Variants in PCDHGB5 observed in about 807,000 individuals in gnomAD.
The protein encoded by PCDHGB5 is protocadherin gamma-B5.
A neutral mutation model predicts 62.9 loss-of-function variants in PCDHGB5; 48 were observed. The observed-to-expected ratio is 0.76, with a 90% CI of 0.61 to 0.97. The LOEUF is 0.97. Ranked by LOEUF, PCDHGB5 falls within the 50% of genes least tolerant of loss-of-function variation. The probability of loss-of-function intolerance (pLI) is 0.00; values close to 1 mark genes in which losing one functional copy is unlikely to be tolerated. For synonymous variants in PCDHGB5, 474 were observed against 511.2 expected, an observed-to-expected ratio of 0.93 and a Z score of 0.98; for missense variants, 1,118 against 1,198.6, an observed-to-expected ratio of 0.93 and a Z score of 0.99.
At chr5:141,473,189 A>G (rs1049891105) in intron 1 of PCDHGB5, among the ~76,000 whole-genome samples, 2 of 152,198 alleles carry the variant, frequency 1.3e-5, no homozygotes, top group Admixed American at 6.5e-5. Flanking sequence ...GAAGGAGTAA[A>G]TGTATCTTCT....
intron 1 of PCDHGB5, among the ~76,000 whole-genome samples, chr5:141,438,764 C>A (rs963627140): frequency 6.7e-6 from 1 of 148,638 alleles, no homozygotes; most frequent in Non-Finnish European, 1.5e-5. Flanking sequence ...TGGGTTCAAG[C>A]GATTCTCCTG....
In PCDHGB5 at chr5:141,399,859, G is replaced by A. The variant is rs2093908235; in HGVS notation, c.1732G>A (p.Ala578Thr). Reference protein sequence around the residue: ...SALFDMVPRAAEPGYLVTKVV... With the variant: ...SALFDMVPRATEPGYLVTKVV... ...GCTCTTCGATATGGTGCCGCGCGCT[G>A]CAGAGCCCGGCTACCTGGTGACCAA... The change falls in exon 1 of 4, where the codon GCA (alanine) becomes ACA (threonine). Residue 578 changes from alanine (A) to threonine (T), a missense_variant. Ala to Thr is a moderately conservative substitution (Grantham distance 58). Transcript: ENST00000617380. 6.2e-7 allele frequency: 1 copy of A among 1,612,726 alleles called. No homozygotes were observed. Among genetic ancestry groups the A allele is most frequent in the Admixed American group, 1.7e-5 (1 of 60,002 alleles).
intron 3 of PCDHGB5, chr5:141,507,166 GTCC>G (rs1475125845): frequency 6.6e-5 from 10 of 152,288 alleles, no homozygotes; most frequent in Non-Finnish European, 1.2e-4. Context: ...ATGAGAGGCT[GTCC>G]TCTTCCTCGA....
In PCDHGB5 at chr5:141,476,584, C is replaced by A; in HGVS notation, c.2398-18223C>A. ...TGGCTCCGGGGACGCGCTTTCCGCTCGAGAGCGCGCACGATCCCGATGTGG... is the reference window on the plus strand; with the variant it reads ...TGGCTCCGGGGACGCGCTTTCCGCTAGAGAGCGCGCACGATCCCGATGTGG... On this transcript the variant is annotated intron_variant, in intron 1 of 3. Coordinates refer to ENST00000617380, the MANE Select transcript of PCDHGB5 (RefSeq NM_018925.3). This position sits in a 1 kb window ranked among gnomAD's most constrained non-coding sequence, Gnocchi z 7.6. The A allele has an allele frequency of 6.2e-7, 1 of 1,614,216 alleles. No homozygotes were observed. The highest frequency in any genetic ancestry group is 8.5e-7 in the Non-Finnish European group (1 of 1,180,042).
chr5:141,461,560 T>G (rs1355320881), intron 1 of PCDHGB5, among the ~76,000 whole-genome samples: 1 of 152,234 alleles, frequency 6.6e-6, no homozygotes, highest in African/African-American at 2.4e-5. Context: ...ATGTGTACTT[T>G]GCAAAGATAA....
chr5:141,433,742 C>T lies in PCDHGB5; in HGVS notation c.2397+33218C>T, dbSNP rs927651405. 2.6e-5 allele frequency among the ~76,000 whole-genome samples: 4 copies of T among 150,944 alleles called. No homozygotes were observed. The East Asian group carries it at 7.9e-4, about 30-fold the overall frequency. On this transcript the variant is annotated intron_variant, in intron 1 of 3. Coordinates refer to ENST00000617380, the MANE Select transcript of PCDHGB5 (RefSeq NM_018925.3). Reference sequence around the variant, plus strand: ...ATCCCAGCTACTTGGGAGGCTGAGTCAGGAGAATTGCTTTAACCTGGGAGG... The same window carrying T: ...ATCCCAGCTACTTGGGAGGCTGAGTTAGGAGAATTGCTTTAACCTGGGAGG...
chr5:141,427,197 A>C (rs1277186420), intron 1 of PCDHGB5: 4 of 456,762 alleles, frequency 8.8e-6, no homozygotes, highest in Admixed American at 2.3e-5. Context: ...CAAAGACTTA[A>C]TAGACTTCGA....
chr5:141,451,582 T>C (rs1361047985), intron 1 of PCDHGB5, among the ~76,000 whole-genome samples: 1 of 152,012 alleles, frequency 6.6e-6, no homozygotes, highest in Non-Finnish European at 1.5e-5. Flanking sequence ...TAAACCTAAT[T>C]TTGAAAGTGA....
intron 1 of PCDHGB5, chr5:141,426,709 A>G (rs1259104705): frequency 6.8e-6 from 3 of 443,800 alleles, no homozygotes; most frequent in South Asian, 3.1e-5. Flanking sequence ...TTACAAATCA[A>G]TGAACTAGCA....
intron 1 of PCDHGB5, among the ~76,000 whole-genome samples, chr5:141,447,047 T>C (rs529082157): frequency 1.3e-5 from 2 of 152,342 alleles, no homozygotes; most frequent in African/African-American, 4.8e-5. Flanking sequence ...TCTGGAATTC[T>C]ATTAAAATGT....
intron 1 of PCDHGB5, chr5:141,408,464 A>C (rs764186219): frequency 6.2e-7 from 1 of 1,613,934 alleles, no homozygotes; most frequent in South Asian, 1.1e-5. Context: ...ACTTGTGAAG[A>C]ACCGAATAGA....
At chr5:141,419,273 G>A (rs751868316) in intron 1 of PCDHGB5, 2 of 1,614,034 alleles carry the variant, frequency 1.2e-6, no homozygotes, top group South Asian at 1.1e-5. Flanking sequence ...TGCCTCCATA[G>A]CGCAAGTCAG....
rs1266306917 is a variant in PCDHGB5 at position 141,403,005 on chromosome 5, C to A, written c.2397+2481C>A. ...CGCGGAAGATTAGTCCTGCTATGCTCGCTCCTGGGGATGCTATGGGAGGCC... is the reference window on the plus strand; with the variant it reads ...CGCGGAAGATTAGTCCTGCTATGCTAGCTCCTGGGGATGCTATGGGAGGCC... On this transcript the variant is annotated intron_variant, in intron 1 of 3. Transcript: ENST00000617380. The A allele has an allele frequency of 2.5e-6, 4 of 1,613,960 alleles. No homozygotes were observed. The East Asian group carries it at 8.9e-5, about 36-fold the overall frequency.
intron 1 of PCDHGB5, among the ~76,000 whole-genome samples, chr5:141,448,614 A>G (rs985924011): frequency 1.3e-5 from 2 of 152,070 alleles, no homozygotes; most frequent in East Asian, 1.9e-4. Flanking sequence ...ACCACTTTAT[A>G]TCTTCCTTTC....
chr5:141,495,005 CG>C (rs2099758180), intron 2 of PCDHGB5, 140 bp downstream of exon 2: 2 of 1,522,694 alleles, frequency 1.3e-6, no homozygotes, highest in African/African-American at 1.4e-5. Context: ...TCTTGGTGTG[CG>C]GGGGGCTGGC....
At chr5:141,400,665 G>C (rs1463001564) in intron 1 of PCDHGB5, 141 bp downstream of exon 1, 5 of 984,364 alleles carry the variant, frequency 5.1e-6, no homozygotes, top group Non-Finnish European at 7.6e-6. Flanking sequence ...CATTCTTTAA[G>C]AGGAGCAGTA....
At chr5:141,484,009 TG>T (rs2099590446) in intron 1 of PCDHGB5, among the ~76,000 whole-genome samples, 1 of 14,098 alleles carries the variant, frequency 7.1e-5, no homozygotes, top group Admixed American at 8.3e-4. Context: ...TGGATGAGGG[TG>T]GGGGTGGGGT....
intron 1 of PCDHGB5, among the ~76,000 whole-genome samples, chr5:141,462,192 T>C (rs1323806836): frequency 6.6e-6 from 1 of 152,198 alleles, no homozygotes; most frequent in Non-Finnish European, 1.5e-5. Context: ...ACTCCTGACC[T>C]CAGGTGATCC....
chr5:141,449,067 T>A lies in PCDHGB5; in HGVS notation c.2398-45740T>A, dbSNP rs547833131. On this transcript the variant is annotated intron_variant, in intron 1 of 3. Transcript: ENST00000617380. ...AGTCTCATAAATGAGCGCTATTGAA[T>A]AGCCCTGTACCTACATCAGTTTTTA... Among the ~76,000 whole-genome samples the A allele has an allele frequency of 3.3e-5, 5 of 152,342 alleles. No homozygotes were observed. In the East Asian group the frequency reaches 9.6e-4, roughly 29 times the overall value.
Sources: gnomAD v4.1 joint callset for allele counts (sites outside exome capture counted in the v4.1 genomes callset) on GRCh38, gnomAD v4.1.1 for gene constraint, Gnocchi (gnomAD v3.1) non-coding constraint, MANE v1.5 for transcripts, NCBI Gene and HGNC (gene_info 2026-07-23, HGNC 2026-07-21) for gene names.